BUB1: variants seen among roughly 807,000 people sequenced by gnomAD.
The protein encoded by BUB1 is BUB1 mitotic checkpoint serine/threonine kinase.
BUB1 carries 84 observed loss-of-function variants against 135.2 expected under a neutral mutation model. That is an observed-to-expected ratio of 0.62 (90% CI 0.52 to 0.74). BUB1 has a LOEUF of 0.74. Among genes scored for constraint, BUB1 ranks in the 30% least tolerant of loss-of-function variants. The probability of loss-of-function intolerance (pLI) is 0.00; values close to 1 mark genes in which losing one functional copy is unlikely to be tolerated. For missense variants in BUB1, 1,162 were observed against 1,288.3 expected (o/e 0.90, Z 1.50); for synonymous variants, 403 against 434.4 (o/e 0.93, Z 0.90).
intron 5 of BUB1, among the ~76,000 whole-genome samples, chr2:110,669,859 G>A (rs1449360310): frequency 6.6e-6 from 1 of 152,022 alleles, no homozygotes; most frequent in African/African-American, 2.4e-5. Flanking sequence ...AAAAAGAAAT[G>A]GCTGTATTTC....
At chr2:110,667,392 A>T in intron 8 of BUB1, 129 bp downstream of exon 8, 1 of 1,014,398 alleles carries the variant, frequency 9.9e-7, no homozygotes, top group Non-Finnish European at 1.4e-6. Flanking sequence ...TGGGCTTCTG[A>T]TAGGATGAGA....
At position 110,642,210 on chromosome 2, in the gene BUB1, T is replaced by A. The variant is rs1689524315; in HGVS notation, c.2372A>T (p.His791Leu). ...GGCAAAGGCTCCTTCTCCAAGAAGG[T>A]GATGGACATAGACCAGCTTAGAACC... ...QLGSKLVYVH[H>L]LLGEGAFAQV... Residue 791 changes from histidine (H) to leucine (L), a missense_variant, in exon 20 of 25, where the codon CAC becomes CTC. Physicochemically the swap from His to Leu is moderately conservative, Grantham distance 99. Coordinates refer to ENST00000302759, the MANE Select transcript of BUB1 (RefSeq NM_004336.5). The A allele has an allele frequency of 6.2e-7, 1 of 1,613,140 alleles. No homozygotes were observed. Among genetic ancestry groups the A allele is most frequent in the South Asian group, 1.1e-5 (1 of 90,982 alleles).
chr2:110,665,529 C>A, intron 9 of BUB1, among the ~76,000 whole-genome samples: 1 of 149,992 alleles, frequency 6.7e-6, no homozygotes, highest in Non-Finnish European at 1.5e-5. Flanking sequence ...GGTGACAGAG[C>A]AAGACCCCGT....
intron 9 of BUB1, among the ~76,000 whole-genome samples, chr2:110,663,394 T>C (rs1205304243): frequency 6.6e-6 from 1 of 152,224 alleles, no homozygotes; most frequent in Non-Finnish European, 1.5e-5. Context: ...GAAAATTTAG[T>C]ACATGGTAAA....
chr2:110,648,470 G>T lies in BUB1; in HGVS notation c.2347+764C>A, dbSNP rs1574318516. Among the ~76,000 whole-genome samples the T allele has an allele frequency of 6.6e-6, 1 of 152,094 alleles. No homozygotes were observed. Among genetic ancestry groups the T allele is most frequent in the Admixed American group, 6.6e-5 (1 of 15,260 alleles). On this transcript the variant is annotated intron_variant, in intron 19 of 24. Coordinates refer to ENST00000302759, the MANE Select transcript of BUB1 (RefSeq NM_004336.5). The surrounding 1 kb of genome is among the most constrained non-coding windows in gnomAD (Gnocchi z 4.2). Reference sequence around the variant, plus strand: ...GATTCTGTATGATACTGTAATGATGGATACATGTCACTGTACTACATTCGT... The same window carrying T: ...GATTCTGTATGATACTGTAATGATGTATACATGTCACTGTACTACATTCGT...
chr2:110,642,055 C>A (rs747195242), intron 20 of BUB1, 64 bp downstream of exon 20: 111 of 1,292,322 alleles, frequency 8.6e-5, no homozygotes, highest in Admixed American at 1.6e-4. Context: ...AAAAAAATTT[C>A]TTGGCAAACT....
chr2:110,644,260 G>A (rs1207439328), intron 19 of BUB1, among the ~76,000 whole-genome samples: 2 of 151,654 alleles, frequency 1.3e-5, no homozygotes, highest in African/African-American at 2.4e-5. Flanking sequence ...CATGATGGGC[G>A]GATCACTTGA....
At chr2:110,674,001 G>T in intron 3 of BUB1, 85 bp downstream of exon 3, 1 of 1,113,978 alleles carries the variant, frequency 9.0e-7, no homozygotes, top group Non-Finnish European at 1.3e-6. Flanking sequence ...GGAATTAAAA[G>T]CCTAAAATGA....
intron 20 of BUB1, 140 bp downstream of exon 20, chr2:110,641,979 C>T: frequency 9.9e-7 from 1 of 1,014,744 alleles, no homozygotes. Flanking sequence ...AATTCTAAAT[C>T]TTTTGTAGTT....
In BUB1 at chr2:110,661,795, A is replaced by T. The variant is rs1574328396; in HGVS notation, c.1004T>A (p.Leu335Gln). Residue 335 changes from leucine (L) to glutamine (Q), a missense_variant, in exon 10 of 25, where the codon CTG becomes CAG. Physicochemically the swap from Leu to Gln is moderately radical, Grantham distance 113 (BLOSUM62 -2). Coordinates refer to ENST00000302759, the MANE Select transcript of BUB1 (RefSeq NM_004336.5). ...GGTTACTGGAAGACATGGCGCTCTC[A>T]GTTCCTGCTGGGAGCCTACACTTGG... The part of the protein sequence containing the change: ...MGPSVGSQQE[L>Q]RAPCLPVTYQ... The T allele has an allele frequency of 1.2e-6, 2 of 1,614,172 alleles. No homozygotes were observed. The highest frequency in any genetic ancestry group is 1.7e-6 in the Non-Finnish European group (2 of 1,180,004).
At position 110,661,848 on chromosome 2, in the gene BUB1, T is replaced by C. The variant is rs1690109901; in HGVS notation, c.958-7A>G. 2 of 1,610,958 alleles carry C rather than the reference T, an allele frequency of 1.2e-6. No individual in the cohort carries two copies. The highest frequency in any genetic ancestry group is 1.7e-5 in the Admixed American group (1 of 59,546). On this transcript the variant is annotated splice_region_variant and splice_polypyrimidine_tract_variant and intron_variant, in intron 9 of 24. Coordinates refer to ENST00000302759, the MANE Select transcript of BUB1 (RefSeq NM_004336.5). ...CCATACGTGCTGGATTAACCTTTCA[T>C]ATTAAACAAACAAACAACAAAAACA...
At chr2:110,640,991 A>C in intron 23 of BUB1, 43 bp downstream of exon 23, 1 of 1,512,056 alleles carries the variant, frequency 6.6e-7, no homozygotes, top group Middle Eastern at 1.8e-4. Flanking sequence ...TGATAAGCGC[A>C]ACACAGAAAA....
chr2:110,672,651 T>C lies in BUB1; in HGVS notation c.422+10A>G, dbSNP rs544826357. The C allele has an allele frequency of 1.3e-6, 2 of 1,552,706 alleles. No homozygotes were observed. Among genetic ancestry groups the C allele is most frequent in the Non-Finnish European group, 1.7e-6 (2 of 1,149,894 alleles). On this transcript the variant is annotated intron_variant, in intron 4 of 24. Transcript: ENST00000302759. The stretch of plus-strand genomic sequence containing the variant: ...CAGAATCATCACAGAGAGTTTGACT[T>C]TGTAACTACCTGTATTGTTGTTGCA...
At chr2:110,672,294 T>C (rs913215184) in intron 4 of BUB1, among the ~76,000 whole-genome samples, 2 of 152,140 alleles carry the variant, frequency 1.3e-5, no homozygotes, top group Non-Finnish European at 2.9e-5. Context: ...CAATGTCCAA[T>C]TGGAGAGTGG....
chr2:110,671,399 A>G (rs1690418037), intron 4 of BUB1, among the ~76,000 whole-genome samples: 1 of 152,226 alleles, frequency 6.6e-6, no homozygotes, highest in Admixed American at 6.5e-5. Context: ...AGTTGGTGAT[A>G]GATAAATGGA....
At chr2:110,641,542 C>T (rs1228558772) in intron 21 of BUB1, 78 bp from the exon 22 acceptor site, 8 of 1,553,902 alleles carry the variant, frequency 5.1e-6, no homozygotes, top group Admixed American at 3.7e-5. Flanking sequence ...TTTGCCCCTG[C>T]CCACCACTCC....
chr2:110,641,495 T>C, intron 21 of BUB1, 31 bp from the exon 22 acceptor site: 4 of 1,585,292 alleles, frequency 2.5e-6, no homozygotes, highest in Non-Finnish European at 3.4e-6. Flanking sequence ...AATCCTGAGT[T>C]AGTTGCACAA....
chr2:110,670,718 C>T (rs543138884), intron 4 of BUB1, 150 bp from the exon 5 acceptor site: 4 of 650,498 alleles, frequency 6.1e-6, no homozygotes, highest in East Asian at 3.0e-5. Context: ...AGAGTTGCTT[C>T]GAAATTAAAA....
chr2:110,653,813 G>A (rs1395996098), intron 16 of BUB1, among the ~76,000 whole-genome samples: 5 of 152,106 alleles, frequency 3.3e-5, no homozygotes, highest in Admixed American at 6.6e-5. Flanking sequence ...AGGCAAGGCT[G>A]AGCAACATAG....
Sources: gnomAD v4.1 joint callset for allele counts (sites outside exome capture counted in the v4.1 genomes callset) on GRCh38, gnomAD v4.1.1 for gene constraint, Gnocchi (gnomAD v3.1) non-coding constraint, MANE v1.5 for transcripts, NCBI Gene and HGNC (gene_info 2026-07-23, HGNC 2026-07-21) for gene names.